Variants in RNF212 observed in about 807,000 individuals in gnomAD.
RNF212 encodes the protein probable E3 SUMO-protein ligase RNF212.
In RNF212, 33 loss-of-function variants were observed where a neutral mutation model predicts 34.7. That is an observed-to-expected ratio of 0.95 (90% CI 0.72 to 1.27). The LOEUF (loss-of-function observed/expected upper bound fraction) is 1.27, where lower values mean the gene tolerates loss of function less well. RNF212 is among the 50% of genes most tolerant of loss of function. The probability of loss-of-function intolerance (pLI) is 0.00; values close to 1 mark genes in which losing one functional copy is unlikely to be tolerated. For synonymous variants in RNF212, 140 were observed against 136.1 expected (o/e 1.03, Z -0.20); for missense variants, 377 against 362.2 (o/e 1.04, Z -0.33).
intron 3 of RNF212, among the ~76,000 whole-genome samples, chr4:1,064,173 C>T (rs889126339): frequency 1.6e-4 from 24 of 152,090 alleles, no homozygotes; most frequent in Admixed American, 1.6e-3. Flanking sequence ...ATAATGACAA[C>T]ACCATATTGT....
intron 3 of RNF212, among the ~76,000 whole-genome samples, chr4:1,059,159 T>G (rs1274873232): frequency 6.6e-6 from 1 of 151,922 alleles, no homozygotes; most frequent in African/African-American, 2.4e-5. Flanking sequence ...CGTCGGGGGG[T>G]TGCCGGCTTG....
downstream of RNF212, among the ~76,000 whole-genome samples, chr4:1,069,210 C>CA (rs33961572): frequency 0.79 from 117,830 of 149,278 alleles, 46,673 homozygotes; most frequent in African/African-American, 0.88. Context: ...GATTGTGTCT[C>CA]AAAAAAAAAA....
chr4:1,104,572 G>A (rs962770695), intron 2 of RNF212, among the ~76,000 whole-genome samples: 1 of 152,164 alleles, frequency 6.6e-6, no homozygotes, highest in Non-Finnish European at 1.5e-5. Context: ...GTACAGCCAG[G>A]TGCCCAGGAA....
intron 2 of RNF212, among the ~76,000 whole-genome samples, chr4:1,101,739 T>C (rs909531486): frequency 2.0e-5 from 3 of 152,194 alleles, no homozygotes; most frequent in African/African-American, 7.2e-5. Flanking sequence ...ATGGCCCCAT[T>C]ATGTTTCACC....
chr4:1,085,791 T>G, intron 5 of RNF212, 105 bp downstream of exon 5: 1 of 814,420 alleles, frequency 1.2e-6, no homozygotes, highest in South Asian at 1.4e-5. Context: ...CTCTTCCCTC[T>G]GCATCTGCAG....
intron 5 of RNF212, among the ~76,000 whole-genome samples, chr4:1,084,996 T>C (rs1199410720): frequency 3.3e-5 from 5 of 152,200 alleles, no homozygotes; most frequent in African/African-American, 4.8e-5. Context: ...AGTGAGGCCA[T>C]GCCATGCTCA....
chr4:1,101,821 A>G (rs1724038901), intron 2 of RNF212, among the ~76,000 whole-genome samples: 1 of 152,234 alleles, frequency 6.6e-6, no homozygotes, highest in Non-Finnish European at 1.5e-5. Flanking sequence ...AGCAGGGGGT[A>G]AACTACTTTC....
rs62294712 is a variant in RNF212, at chr4:1,060,287, C to T, written n.148-1894G>A. 8.0e-3 allele frequency among the ~76,000 whole-genome samples: 1,216 copies of T among 152,302 alleles called. 11 individuals carry two copies. The highest frequency in any genetic ancestry group is 0.013 in the Non-Finnish European group (881 of 68,024). ...GATCTCAGACCCGAAAGACCCCTGCCGATCAGCCCGCTGTGTGTCCCACAG... is the reference window on the plus strand; with the variant it reads ...GATCTCAGACCCGAAAGACCCCTGCTGATCAGCCCGCTGTGTGTCCCACAG... On this transcript the variant is annotated intron_variant and non_coding_transcript_variant, in intron 3 of 4. Transcript: ENST00000503206.
At chr4:1,090,643 C>T (rs1577732915) in intron 4 of RNF212, 139 bp downstream of exon 4, 1 of 656,784 alleles carries the variant, frequency 1.5e-6, no homozygotes, top group East Asian at 2.8e-5. Context: ...GACAACGTCC[C>T]CATAGCTGGA....
intron 5 of RNF212, among the ~76,000 whole-genome samples, chr4:1,083,783 G>A (rs559002007): frequency 2.6e-5 from 4 of 152,264 alleles, no homozygotes; most frequent in Non-Finnish European, 4.4e-5. Flanking sequence ...GGCTGACGTC[G>A]AGGGTGGGGA....
intron 1 of RNF212, among the ~76,000 whole-genome samples, chr4:1,110,297 T>C (rs1235095661): frequency 6.6e-6 from 1 of 151,914 alleles, no homozygotes; most frequent in Non-Finnish European, 1.5e-5. Context: ...ACACACAAAA[T>C]GAAGGTCAAG....
intron 8 of RNF212, among the ~76,000 whole-genome samples, chr4:1,075,748 TCA>T (rs1229421121): frequency 6.6e-6 from 1 of 152,174 alleles, no homozygotes; most frequent in East Asian, 1.9e-4. Context: ...GTCACTCACC[TCA>T]CTGCAGCCTC....
intron 7 of RNF212, among the ~76,000 whole-genome samples, 179 bp downstream of exon 7, chr4:1,081,240 G>C (rs1720286573): frequency 6.6e-6 from 1 of 151,616 alleles, no homozygotes; most frequent in Admixed American, 6.6e-5. Context: ...CACACACTTA[G>C]TTTGGGACCT....
chr4:1,072,790 G>A lies in RNF212; in HGVS notation c.*84C>T. 5 of 1,472,836 alleles carry A rather than the reference G, an allele frequency of 3.4e-6. No homozygotes were observed. Among genetic ancestry groups the A allele is most frequent in the Non-Finnish European group, 4.5e-6 (5 of 1,110,134 alleles). The allele number at this position is 1,472,836 out of a possible 1,614,324, so 91.2% of individuals were successfully genotyped here. On this transcript the variant is annotated 3_prime_UTR_variant, in exon 10 of 10. Coordinates refer to ENST00000433731, the MANE Select transcript of RNF212 (RefSeq NM_001131034.4). Reference sequence around the variant, plus strand: ...TGAGGGCTTCCACATAAATGACAAAGGAATAAAGCAGATAATTTGTAGAAA... The same window carrying A: ...TGAGGGCTTCCACATAAATGACAAAAGAATAAAGCAGATAATTTGTAGAAA...
rs1258811731 is a variant in RNF212 at position 1,113,510 on chromosome 4, C to T, written c.-46G>A. 1 of 1,537,466 alleles carries T rather than the reference C, an allele frequency of 6.5e-7. No individual in the cohort carries two copies. Among genetic ancestry groups the T allele is most frequent in the African/African-American group, 1.4e-5 (1 of 71,418 alleles). On this transcript the variant is annotated 5_prime_UTR_variant, in exon 1 of 10. Transcript: ENST00000433731. ...GGCGAGGCCGGGCCCACGCGAAGCC[C>T]ACGCAAGGTTGGGACCAGCCTCCCC...
In RNF212 at chr4:1,056,621, A is replaced by G. The variant is rs1254077043; in HGVS notation, n.221-118T>C. 8.9e-6 allele frequency: 4 copies of G among 447,062 alleles called. No individual in the cohort carries two copies. In the East Asian group the frequency reaches 6.3e-4, roughly 70 times the overall value. 27.7% of individuals were successfully genotyped at this position (447,062 alleles called of 1,614,324 possible). ...GATGTCATCTTAGTATTTTCAGAGT[A>G]TTATCAATATGTTTAAGTCATAATT... On this transcript the variant is annotated intron_variant and non_coding_transcript_variant, in intron 4 of 4. Coordinates refer to the RNF212 transcript ENST00000503206.
intron 2 of RNF212, chr4:1,107,276 C>G (rs1724977322): frequency 1.3e-5 from 2 of 151,998 alleles, no homozygotes; most frequent in South Asian, 4.2e-4. Context: ...TGGTCTCGAT[C>G]TCCTGACCTC....
chr4:1,081,332 G>T, intron 7 of RNF212, 87 bp downstream of exon 7: 2 of 1,144,082 alleles, frequency 1.7e-6, no homozygotes, highest in Non-Finnish European at 1.3e-6. Flanking sequence ...CTGGGGGCTT[G>T]GAGAGGGGGT....
chr4:1,103,581 G>T (rs1474989577), intron 2 of RNF212, among the ~76,000 whole-genome samples: 1 of 151,666 alleles, frequency 6.6e-6, no homozygotes, highest in African/African-American at 2.4e-5. Flanking sequence ...AGAATCTAAC[G>T]TGGGTTTCAA....
Sources: allele counts gnomAD v4.1 joint callset (sites outside exome capture counted in the v4.1 genomes callset), GRCh38; gene constraint gnomAD v4.1.1; transcripts MANE v1.5; gene names NCBI Gene and HGNC (gene_info 2026-07-23, HGNC 2026-07-21).